SC5D: variants seen among roughly 807,000 people sequenced by gnomAD.
SC5D encodes lathosterol oxidase.
A neutral mutation model predicts 23.9 loss-of-function variants in SC5D; 21 were observed. That is an observed-to-expected ratio of 0.88 (90% CI 0.62 to 1.26). The LOEUF is 1.26. SC5D is among the 50% of genes most tolerant of loss of function. SC5D has a pLI of 0.00. For synonymous variants in SC5D, 113 were observed against 125.9 expected (o/e 0.90, Z 0.68); for missense variants, 309 against 364.8 (o/e 0.85, Z 1.25).
At chr11:121,305,972 T>A in intron 3 of SC5D, 1 of 219,578 alleles carries the variant, frequency 4.6e-6, no homozygotes, top group South Asian at 6.5e-5. Flanking sequence ...CCGAAAGGGG[T>A]GGAGTATGGA....
intron 1 of SC5D, among the ~76,000 whole-genome samples, chr11:121,301,296 G>A (rs1947924180): frequency 7.3e-6 from 1 of 136,356 alleles, no homozygotes; most frequent in Non-Finnish European, 1.6e-5. Context: ...TCAATAAAGT[G>A]ATAAAAGTTT....
At chr11:121,297,849 C>G (rs1395567081) in intron 1 of SC5D, among the ~76,000 whole-genome samples, 1 of 152,152 alleles carries the variant, frequency 6.6e-6, no homozygotes, top group African/African-American at 2.4e-5. Context: ...TTAGTATTAA[C>G]AAGGAAGAAT....
chr11:121,301,110 C>T (rs78246372), intron 1 of SC5D, among the ~76,000 whole-genome samples: 2 of 152,210 alleles, frequency 1.3e-5, no homozygotes, highest in Non-Finnish European at 2.9e-5. Flanking sequence ...GAAAGTATGG[C>T]CTGTACACAC....
At position 121,311,679 on chromosome 11, in the gene SC5D, G is replaced by C. The variant is rs908956876; in HGVS notation, c.*4167G>C. Among the ~76,000 whole-genome samples, 13 of 152,148 alleles carry C rather than the reference G, an allele frequency of 8.5e-5. No homozygotes were observed. Among genetic ancestry groups the C allele is most frequent in the Non-Finnish European group, 2.9e-5 (2 of 68,008 alleles). ...AACAGGAACTTTGGAGATAAACAGGGCTCTGCCACTTGCAAGTTGCACCAT... is the reference window on the plus strand; with the variant it reads ...AACAGGAACTTTGGAGATAAACAGGCCTCTGCCACTTGCAAGTTGCACCAT... On this transcript the variant is annotated 3_prime_UTR_variant, in exon 5 of 5. Coordinates refer to ENST00000264027, the MANE Select transcript of SC5D (RefSeq NM_006918.5).
rs925368341 is a variant in SC5D, at chr11:121,309,981, C to T, written c.*2469C>T. Among the ~76,000 whole-genome samples the T allele has an allele frequency of 6.6e-6, 1 of 152,186 alleles. No individual in the cohort carries two copies. The highest frequency in any genetic ancestry group is 2.4e-5 in the African/African-American group (1 of 41,444). ...AGAAACACAGAGACTGAGTCTTTGT[C>T]TTCCATGCTGTCTCTGCAGTACTGA... On this transcript the variant is annotated 3_prime_UTR_variant, in exon 5 of 5. Transcript: ENST00000264027.
chr11:121,303,801 T>TAAAA, intron 2 of SC5D: 1 of 515,438 alleles, frequency 1.9e-6, no homozygotes, highest in Non-Finnish European at 3.4e-6. Flanking sequence ...ATAAGTCTAG[T>TAAAA]ATCGTATCTT....
intron 1 of SC5D, among the ~76,000 whole-genome samples, chr11:121,300,545 A>G (rs537599551): frequency 3.9e-5 from 6 of 152,360 alleles, no homozygotes; most frequent in Admixed American, 6.5e-5. Flanking sequence ...TTATTTACAC[A>G]TAACAGGTCT....
intron 1 of SC5D, among the ~76,000 whole-genome samples, chr11:121,293,618 A>T (rs1317175262): frequency 6.6e-6 from 1 of 152,304 alleles, no homozygotes; most frequent in East Asian, 1.9e-4. Flanking sequence ...CAGTACATAG[A>T]GTTTCCAAAC....
rs1307268414 is a variant in SC5D at position 121,309,439 on chromosome 11, T to C, written c.*1927T>C. ...TGCCTGGGAGGAAGGGGGCACCATT[T>C]TCTTGAGCAGCTAGACAGTTTGCCG... On this transcript the variant is annotated 3_prime_UTR_variant, in exon 5 of 5. Coordinates refer to ENST00000264027, the MANE Select transcript of SC5D (RefSeq NM_006918.5). Among the ~76,000 whole-genome samples, 2 of 152,174 alleles carry C rather than the reference T, an allele frequency of 1.3e-5. No homozygotes were observed. Among genetic ancestry groups the C allele is most frequent in the East Asian group, 3.8e-4 (2 of 5,200 alleles).
intron 1 of SC5D, among the ~76,000 whole-genome samples, chr11:121,296,052 A>G (rs1485316027): frequency 6.6e-6 from 1 of 151,930 alleles, no homozygotes; most frequent in Non-Finnish European, 1.5e-5. Flanking sequence ...TTCCTTTTTT[A>G]TAGTGACGGA....
intron 1 of SC5D, among the ~76,000 whole-genome samples, chr11:121,297,659 G>T: frequency 6.6e-6 from 1 of 152,190 alleles, no homozygotes; most frequent in Admixed American, 6.5e-5. Context: ...GTTTTATAGT[G>T]GTAGTAAGGA....
intron 3 of SC5D, 116 bp downstream of exon 3, chr11:121,304,609 G>A (rs1947950392): frequency 7.6e-6 from 7 of 926,364 alleles, no homozygotes; most frequent in Non-Finnish European, 1.2e-5. Context: ...AAATTATTCA[G>A]TTGTTTTTTA....
At chr11:121,299,638 C>T (rs1352243951) in intron 1 of SC5D, among the ~76,000 whole-genome samples, 1 of 152,178 alleles carries the variant, frequency 6.6e-6, no homozygotes, top group Admixed American at 6.5e-5. Flanking sequence ...GCCTGTAATC[C>T]TAGCACTTTG....
intron 1 of SC5D, among the ~76,000 whole-genome samples, chr11:121,297,606 A>G (rs1947898409): frequency 1.3e-5 from 2 of 152,222 alleles, no homozygotes; most frequent in African/African-American, 2.4e-5. Context: ...TGTGGGAACT[A>G]CCACCACATG....
Position 121,298,148 on chromosome 11 carries a change from TGC to T in SC5D, c.-10-5217_-10-5216del, listed in dbSNP as rs1947901749. ...GAGGGTAGCTGGGACCACAGGGCTG[TGC>T]ACCACGCCCGGCTAATTTTTGTATA... On this transcript the variant is annotated intron_variant, in intron 1 of 4. Coordinates refer to ENST00000264027, the MANE Select transcript of SC5D (RefSeq NM_006918.5). Among the ~76,000 whole-genome samples the T allele has an allele frequency of 7.3e-3, 3 of 412 alleles. No individual in the cohort carries two copies. In the Admixed American group the frequency reaches 0.19, roughly 26 times the overall value. 0.3% of individuals were successfully genotyped at this position (412 alleles called of 152,430 possible).
rs104894297 is a variant in SC5D, at chr11:121,303,512, A to C, written c.137A>C (p.Tyr46Ser). The C allele has an allele frequency of 1.9e-6, 3 of 1,613,744 alleles. No individual in the cohort carries two copies. The highest frequency in any genetic ancestry group is 2.5e-6 in the Non-Finnish European group (3 of 1,179,896). The change falls in exon 2 of 5, where the codon TAT (tyrosine) becomes TCT (serine). Residue 46 changes from tyrosine (Y) to serine (S), a missense_variant. Physicochemically the swap from Tyr to Ser is moderately radical, Grantham distance 144. Transcript: ENST00000264027. ...IVTNVGAYIL[Y>S]FFCATLSYYF... ...ACAAATGTTGGTGCTTACATCCTTT[A>C]TTTCTTCTGTGCAACACTGAGCTAT...
At position 121,310,068 on chromosome 11, in the gene SC5D, T is replaced by C. The variant is rs1947997687; in HGVS notation, c.*2556T>C. On this transcript the variant is annotated 3_prime_UTR_variant, in exon 5 of 5. Transcript: ENST00000264027. ...CCATCTTCTAGAAGCTGGGGACAGA[T>C]TTGGAAGAGAATTACACAAGTTCAG... Among the ~76,000 whole-genome samples, 2 of 152,168 alleles carry C rather than the reference T, an allele frequency of 1.3e-5. No homozygotes were observed. Among genetic ancestry groups the C allele is most frequent in the South Asian group, 4.1e-4 (2 of 4,826 alleles).
At position 121,306,882 on chromosome 11, in the gene SC5D, T is replaced by C; in HGVS notation, c.445-175T>C. 4.3e-6 allele frequency: 3 copies of C among 695,814 alleles called. No individual in the cohort carries two copies. The Admixed American group carries it at 6.2e-5, about 14-fold the overall frequency. 43.1% of individuals were successfully genotyped at this position (695,814 alleles called of 1,614,324 possible). On this transcript the variant is annotated intron_variant, in intron 4 of 4. Transcript: ENST00000264027. ...TGGAACACCACTGCACTTGTACTCA[T>C]AAATCCATATAAAATTATACTGTTT...
At position 121,310,607 on chromosome 11, in the gene SC5D, G is replaced by A. The variant is rs190358763; in HGVS notation, c.*3095G>A. On this transcript the variant is annotated 3_prime_UTR_variant, in exon 5 of 5. Transcript: ENST00000264027. ...CGAGTAGCTGGGACTACAGGTGCCC[G>A]CCACCACCACGCCCGGCTAATTTTT... is the stretch of plus-strand genomic sequence containing the variant. Among the ~76,000 whole-genome samples, 60 of 151,932 alleles carry A rather than the reference G, an allele frequency of 3.9e-4. 2 individuals carry two copies. In the East Asian group the frequency reaches 4.3e-3, roughly 11 times the overall value.
Sources: allele counts gnomAD v4.1 joint callset (sites outside exome capture counted in the v4.1 genomes callset), GRCh38; gene constraint gnomAD v4.1.1; transcripts MANE v1.5; gene names NCBI Gene and HGNC (gene_info 2026-07-23, HGNC 2026-07-21).